The following IL1RAPL2 variants were observed in gnomAD, a reference collection of about 807,000 sequenced individuals.
IL1RAPL2 encodes the protein interleukin 1 receptor accessory protein like 2.
IL1RAPL2 carries 3 observed loss-of-function variants against 44.1 expected under a neutral mutation model. That is an observed-to-expected ratio of 0.07 (90% CI 0.03 to 0.18). The LOEUF (loss-of-function observed/expected upper bound fraction) is 0.18. IL1RAPL2 is among the 10% of genes least tolerant of loss of function. The pLI, the probability that IL1RAPL2 is intolerant of heterozygous loss-of-function variation, is 1.00. For missense variants in IL1RAPL2, 391 were observed against 496.4 expected (o/e 0.79, Z 2.02); for synonymous variants, 181 against 178.8 (o/e 1.01, Z -0.10).
chrX:105,487,091 C>CAAA (rs397896906), intron 6 of IL1RAPL2, among the ~76,000 whole-genome samples: 12 of 38,282 alleles, frequency 3.1e-4, no homozygotes, highest in Non-Finnish European at 4.3e-4. Context: ...GACTCCATCT[C>CAAA]AAAAAAAAAA....
intron 2 of IL1RAPL2, among the ~76,000 whole-genome samples, chrX:104,838,588 T>C (rs1172723117): frequency 9.0e-6 from 1 of 111,447 alleles, no homozygotes; most frequent in Non-Finnish European, 1.9e-5. Flanking sequence ...CCTGAGACTT[T>C]GCTGAAGTTG....
At chrX:105,395,501 T>G (rs1337300160) in intron 5 of IL1RAPL2, among the ~76,000 whole-genome samples, 1 of 110,738 alleles carries the variant, frequency 9.0e-6, no homozygotes, top group Non-Finnish European at 1.9e-5. Flanking sequence ...ACAAAGACAT[T>G]CCAGATGTAT....
chrX:104,615,854 A>C (rs1247752155), intron 1 of IL1RAPL2, among the ~76,000 whole-genome samples: 1 of 112,230 alleles, frequency 8.9e-6, no homozygotes, highest in Non-Finnish European at 1.9e-5. Flanking sequence ...ATGGCATAAA[A>C]GTGTTCTTAT....
At chrX:105,173,985 G>A (rs1339510817) in intron 2 of IL1RAPL2, among the ~76,000 whole-genome samples, 1 of 110,689 alleles carries the variant, frequency 9.0e-6, no homozygotes, top group Non-Finnish European at 1.9e-5. Context: ...CACCTGTCTC[G>A]GCCTCCCAAA....
At chrX:105,139,862 G>A (rs536003011) in intron 2 of IL1RAPL2, among the ~76,000 whole-genome samples, 1 of 111,994 alleles carries the variant, frequency 8.9e-6, no homozygotes, top group African/African-American at 3.2e-5. Context: ...CATTGAATGC[G>A]ACTCCAGCTT....
At chrX:105,092,333 T>G (rs2032553967) in intron 2 of IL1RAPL2, among the ~76,000 whole-genome samples, 1 of 111,275 alleles carries the variant, frequency 9.0e-6, no homozygotes, top group Non-Finnish European at 1.9e-5. Flanking sequence ...TAGTTATGGT[T>G]TATTGCAGGG....
chrX:105,747,448 TTC>T (rs746410456), intron 8 of IL1RAPL2, among the ~76,000 whole-genome samples: 375 of 84,518 alleles, frequency 4.4e-3, no homozygotes, highest in Middle Eastern at 0.013. Flanking sequence ...TGATTGGCTG[TTC>T]TCTCTCTCTC....
chrX:104,949,391 T>C (rs1925502021), intron 2 of IL1RAPL2, among the ~76,000 whole-genome samples: 1 of 110,917 alleles, frequency 9.0e-6, no homozygotes, highest in South Asian at 3.9e-4. Context: ...ACTCATTTTT[T>C]GAAGGGTTTT....
At chrX:104,619,695 A>T (rs1929349097) in intron 1 of IL1RAPL2, among the ~76,000 whole-genome samples, 1 of 112,461 alleles carries the variant, frequency 8.9e-6, no homozygotes, top group Non-Finnish European at 1.9e-5. Flanking sequence ...AAGACGTGGG[A>T]TGTCCAATAT....
At chrX:104,672,768 G>C (rs1323980460) in intron 2 of IL1RAPL2, among the ~76,000 whole-genome samples, 4 of 106,958 alleles carry the variant, frequency 3.7e-5, no homozygotes, top group Non-Finnish European at 7.7e-5. Flanking sequence ...GTTGTTTCCT[G>C]ACTTTTTAAT....
intron 2 of IL1RAPL2, among the ~76,000 whole-genome samples, chrX:104,827,023 G>A (rs1921472122): frequency 1.2e-5 from 1 of 84,229 alleles, no homozygotes; most frequent in African/African-American, 4.8e-5. Context: ...GTGTGTCTTT[G>A]CACATGAGAT....
At chrX:105,074,219 T>C (rs1330659579) in intron 2 of IL1RAPL2, among the ~76,000 whole-genome samples, 3 of 112,025 alleles carry the variant, frequency 2.7e-5, no homozygotes, top group African/African-American at 9.7e-5. Context: ...AATTTTTGTA[T>C]AAGGTGTAAG....
intron 1 of IL1RAPL2, among the ~76,000 whole-genome samples, chrX:104,641,145 T>C (rs947419329): frequency 6.3e-5 from 7 of 111,236 alleles, no homozygotes; most frequent in Non-Finnish European, 1.1e-4. Context: ...GTGGGCTGGG[T>C]TGGTTACGCT....
chrX:104,795,951 T>C (rs747626925), intron 2 of IL1RAPL2, among the ~76,000 whole-genome samples: 2 of 112,060 alleles, frequency 1.8e-5, no homozygotes, highest in African/African-American at 3.2e-5. Flanking sequence ...GTCTACTCCG[T>C]ATGAGAACCA....
Position 105,680,289 on chromosome X carries a change from G to A in IL1RAPL2, c.773-37078G>A, listed in dbSNP as rs894943339. Among the ~76,000 whole-genome samples the A allele has an allele frequency of 9.2e-4, 103 of 112,043 alleles. 4 individuals carry two copies. In the Admixed American group the frequency reaches 9.3e-3, roughly 10 times the overall value. On this transcript the variant is annotated intron_variant, in intron 6 of 10. Coordinates refer to ENST00000372582, the MANE Select transcript of IL1RAPL2 (RefSeq NM_017416.2). ...GTTGGGATTACAGGCATGAGCCACC[G>A]CACCTGGCCTGAATTTCTTTCTTTT...
At chrX:105,756,180 C>A (rs1445703155) in intron 10 of IL1RAPL2, among the ~76,000 whole-genome samples, 1 of 112,001 alleles carries the variant, frequency 8.9e-6, no homozygotes, top group Non-Finnish European at 1.9e-5. Context: ...ATGTTACTTT[C>A]AACATGTGAT....
intron 2 of IL1RAPL2, among the ~76,000 whole-genome samples, chrX:105,023,714 A>G (rs1285948219): frequency 1.8e-5 from 2 of 111,752 alleles, no homozygotes; most frequent in Non-Finnish European, 3.8e-5. Context: ...TAGGGAAAGA[A>G]AAATCTCTTT....
chrX:104,720,776 G>A (rs1931660922), intron 2 of IL1RAPL2, among the ~76,000 whole-genome samples: 1 of 111,256 alleles, frequency 9.0e-6, no homozygotes, highest in Non-Finnish European at 1.9e-5. Flanking sequence ...TTCTTTGCTT[G>A]CTGTACCTGT....
At chrX:105,115,769 G>A (rs192541958) in intron 2 of IL1RAPL2, among the ~76,000 whole-genome samples, 56 of 113,166 alleles carry the variant, frequency 4.9e-4, no homozygotes, top group African/African-American at 1.7e-3. Flanking sequence ...GCCCTTGGGC[G>A]GTTGATGGGA....
Sources: allele counts gnomAD v4.1 joint callset (sites outside exome capture counted in the v4.1 genomes callset), GRCh38; gene constraint gnomAD v4.1.1; transcripts MANE v1.5; gene names NCBI Gene and HGNC (gene_info 2026-07-23, HGNC 2026-07-21).